Variants in FSD1L observed in about 807,000 individuals in gnomAD.
FSD1L encodes the protein fibronectin type III and SPRY domain containing 1 like, also known as FSD1-like protein.
A neutral mutation model predicts 71.6 loss-of-function variants in FSD1L; 45 were observed. The observed-to-expected ratio is 0.63, with a 90% confidence interval of 0.49 to 0.81. The LOEUF is 0.81. Ranked by LOEUF, FSD1L falls within the 30% of genes least tolerant of loss-of-function variation. The probability of loss-of-function intolerance (pLI) is 0.00; values close to 1 mark genes in which losing one functional copy is unlikely to be tolerated. For synonymous variants in FSD1L, 197 were observed against 207.2 expected, an observed-to-expected ratio of 0.95 and a Z score of 0.42; for missense variants, 561 against 618.1, an observed-to-expected ratio of 0.91 and a Z score of 0.98.
In FSD1L at chr9:105,448,068, C is replaced by A; in HGVS notation, c.-153C>A. 1 of 836,114 alleles carries A rather than the reference C, an allele frequency of 1.2e-6. No individual in the cohort carries two copies. Among genetic ancestry groups the A allele is most frequent in the Non-Finnish European group, 1.9e-6 (1 of 519,960 alleles). The allele number at this position is 836,114 out of a possible 1,614,324, so 51.8% of individuals were successfully genotyped here. On this transcript the variant is annotated 5_prime_UTR_variant, in exon 1 of 14. Transcript: ENST00000481272. Reference sequence around the variant, plus strand: ...TGGCAACCGCGGCGTGACTACGGCGCGCGCGGTCTGGGCGCGGACGGGTGG... The same window carrying A: ...TGGCAACCGCGGCGTGACTACGGCGAGCGCGGTCTGGGCGCGGACGGGTGG...
chr9:105,517,272 C>G (rs761969729), intron 10 of FSD1L, among the ~76,000 whole-genome samples: 2 of 152,206 alleles, frequency 1.3e-5, no homozygotes, highest in African/African-American at 2.4e-5. Context: ...TCGAGGAGAA[C>G]TTCCCCAACC....
chr9:105,486,467 A>G (rs1832555013), intron 7 of FSD1L, among the ~76,000 whole-genome samples: 1 of 152,172 alleles, frequency 6.6e-6, no homozygotes, highest in African/African-American at 2.4e-5. Context: ...GAACACTTTC[A>G]TGTTCACTCT....
chr9:105,477,889 A>G (rs1173313962), intron 5 of FSD1L, among the ~76,000 whole-genome samples: 2 of 152,190 alleles, frequency 1.3e-5, no homozygotes, highest in Non-Finnish European at 2.9e-5. Context: ...TGATTAATAT[A>G]CAAGGTCTCA....
At chr9:105,496,942 G>C (rs2131319653) in intron 7 of FSD1L, among the ~76,000 whole-genome samples, 1 of 152,332 alleles carries the variant, frequency 6.6e-6, no homozygotes, top group East Asian at 1.9e-4. Flanking sequence ...CCTTGTTCCT[G>C]AACTTAGTGG....
chr9:105,481,360 C>T (rs1832191508), intron 6 of FSD1L, among the ~76,000 whole-genome samples: 3 of 151,210 alleles, frequency 2.0e-5, no homozygotes, highest in Non-Finnish European at 4.4e-5. Flanking sequence ...TCTTGGCTCA[C>T]TGCAGCCTCT....
chr9:105,448,326 C>A, intron 1 of FSD1L, 91 bp downstream of exon 1: 2 of 787,412 alleles, frequency 2.5e-6, no homozygotes, highest in Non-Finnish European at 3.6e-6. Context: ...TGTGGGTGCG[C>A]GGGGTGGGCC....
chr9:105,449,291 A>G (rs977089718), intron 1 of FSD1L, among the ~76,000 whole-genome samples: 3 of 152,226 alleles, frequency 2.0e-5, no homozygotes, highest in African/African-American at 7.2e-5. Flanking sequence ...AAATATGCAT[A>G]TGATTTCATT....
chr9:105,445,957 C>T (rs1829633027), upstream of FSD1L, among the ~76,000 whole-genome samples: 1 of 152,220 alleles, frequency 6.6e-6, no homozygotes, highest in South Asian at 2.1e-4. Flanking sequence ...ACCCACCCAG[C>T]CTTAGCCAAG....
chr9:105,494,849 G>T (rs546098437), intron 7 of FSD1L, among the ~76,000 whole-genome samples: 5 of 152,246 alleles, frequency 3.3e-5, no homozygotes, highest in African/African-American at 9.6e-5. Context: ...CTGTCTTATC[G>T]TTCCCCTGGA....
At chr9:105,486,661 C>A (rs1832569702) in intron 7 of FSD1L, among the ~76,000 whole-genome samples, 1 of 152,136 alleles carries the variant, frequency 6.6e-6, no homozygotes. Flanking sequence ...AGATGTAGAA[C>A]ATTCCTAATA....
intron 10 of FSD1L, chr9:105,522,791 A>C (rs997108054): frequency 6.2e-7 from 1 of 1,612,636 alleles, no homozygotes; most frequent in Non-Finnish European, 8.5e-7. Context: ...TAGCAGAATG[A>C]CTTCGAAGTG....
chr9:105,490,449 G>A (rs953913735), intron 7 of FSD1L, among the ~76,000 whole-genome samples: 1 of 152,042 alleles, frequency 6.6e-6, no homozygotes, highest in Non-Finnish European at 1.5e-5. Flanking sequence ...CTCCCATTTT[G>A]TAGGTTGCCT....
rs1200700794 is a variant in FSD1L at position 105,549,567 on chromosome 9, TG to T, written c.*3085del. On this transcript the variant is annotated 3_prime_UTR_variant, in exon 14 of 14. Coordinates refer to ENST00000481272, the MANE Select transcript of FSD1L (RefSeq NM_001145313.3). ...ATCTTGACAAATCGTGAACTGCTGC[TG>T]TATGGCTAGACTTTGCCTATTTACT... 6.6e-6 allele frequency: 1 copy of T among 152,050 alleles called. No homozygotes were observed. The highest frequency in any genetic ancestry group is 6.6e-5 in the Admixed American group (1 of 15,250). 9.4% of individuals were successfully genotyped at this position (152,050 alleles called of 1,614,324 possible). A position where few individuals can be genotyped will look rare whatever the true frequency, so the allele number is the denominator to read the frequency against.
chr9:105,485,946 T>G (rs922527753), intron 7 of FSD1L, among the ~76,000 whole-genome samples: 4 of 152,082 alleles, frequency 2.6e-5, no homozygotes, highest in Non-Finnish European at 5.9e-5. Flanking sequence ...CTTTTTTTTT[T>G]GGAGTCTGTT....
chr9:105,451,975 A>G (rs541467464), intron 1 of FSD1L, among the ~76,000 whole-genome samples: 27 of 152,290 alleles, frequency 1.8e-4, no homozygotes, highest in African/African-American at 6.3e-4. Flanking sequence ...CACCAAGAGC[A>G]TATATTGTCA....
chr9:105,535,738 A>G (rs1222729706), intron 12 of FSD1L, among the ~76,000 whole-genome samples: 12 of 152,168 alleles, frequency 7.9e-5, no homozygotes, highest in Non-Finnish European at 1.8e-4. Context: ...TTGCATGCCT[A>G]TATGAAAGCA....
At chr9:105,523,708 T>C (rs1835328196) in intron 10 of FSD1L, 16 of 1,598,446 alleles carry the variant, frequency 1.0e-5, no homozygotes, top group South Asian at 3.3e-5. Flanking sequence ...TATAAACTTA[T>C]TGGTAATACA....
chr9:105,509,630 C>CA (rs75806356), intron 9 of FSD1L, among the ~76,000 whole-genome samples: 14 of 151,138 alleles, frequency 9.3e-5, no homozygotes, highest in East Asian at 1.9e-4. Context: ...TGGAGGATGA[C>CA]AAAAAAAATC....
intron 10 of FSD1L, chr9:105,522,859 A>G (rs1472211711): frequency 7.5e-6 from 12 of 1,608,764 alleles, no homozygotes; most frequent in South Asian, 1.1e-5. Context: ...GAAATTCCCA[A>G]AGACCTCCCT....
Sources: gnomAD v4.1 joint callset for allele counts (sites outside exome capture counted in the v4.1 genomes callset) on GRCh38, gnomAD v4.1.1 for gene constraint, MANE v1.5 for transcripts, NCBI Gene and HGNC (gene_info 2026-07-23, HGNC 2026-07-21) for gene names.